The following ZNF782 variants were observed in gnomAD, a reference collection of about 807,000 sequenced individuals.
The protein encoded by ZNF782 is zinc finger protein 782.
A neutral mutation model predicts 13.0 loss-of-function variants in ZNF782; 12 were observed. That is an observed-to-expected ratio of 0.92 (90% confidence interval 0.59 to 1.50). The LOEUF is 1.50. Among genes scored for constraint, ZNF782 ranks in the 40% most tolerant of loss-of-function variants. The pLI, the probability that ZNF782 is intolerant of heterozygous loss-of-function variation, is 0.00. For synonymous variants in ZNF782, 284 were observed against 283.0 expected (o/e 1.00, Z -0.04); for missense variants, 770 against 822.9 (o/e 0.94, Z 0.79).
chr9:96,920,268 C>CTT, the ZNF782 span, among the ~76,000 whole-genome samples: 6 of 132,836 alleles, frequency 4.5e-5, no homozygotes, highest in East Asian at 2.4e-4. Context: ...ACACCAAAAC[C>CTT]TTTTTTTTTT....
rs1850270267 is a variant in ZNF782 at position 96,818,592 on chromosome 9, A to G, written c.1431T>C (p.Pro477=). The change falls in exon 6 of 6, where the codon CCT becomes CCC. Residue 477 remains proline, a synonymous_variant. Coordinates refer to ENST00000481138, the MANE Select transcript of ZNF782 (RefSeq NM_001001662.3). ...ATTTCCCGCATTCATTACATTCAAA[A>G]GGTTTCTCCCCTGTGTGAGTTCTCT... ...VHQRTHTGEK[P]FECNECGKSF... 6.2e-7 allele frequency: 1 copy of G among 1,607,272 alleles called. No homozygotes were observed. The highest frequency in any genetic ancestry group is 1.7e-5 in the Admixed American group (1 of 59,418).
intron 1 of ZNF782, among the ~76,000 whole-genome samples, chr9:96,874,750 C>T (rs1476361969): frequency 6.6e-6 from 1 of 152,126 alleles, no homozygotes; most frequent in African/African-American, 2.4e-5. Context: ...CCCAGTGGCC[C>T]CCTGCTTCCT....
At chr9:96,824,007 C>G (rs2118389736) in intron 5 of ZNF782, among the ~76,000 whole-genome samples, 1 of 152,306 alleles carries the variant, frequency 6.6e-6, no homozygotes, top group African/African-American at 2.4e-5. Context: ...CCTTCTGAAA[C>G]TATTCCAATC....
intron 3 of ZNF782, 105 bp downstream of exon 3, chr9:96,851,842 T>A: frequency 8.3e-7 from 1 of 1,197,690 alleles, no homozygotes. Context: ...ATATTTTCCC[T>A]CAAGATTTAC....
At chr9:96,843,959 A>T (rs770090894) in intron 4 of ZNF782, among the ~76,000 whole-genome samples, 1 of 152,206 alleles carries the variant, frequency 6.6e-6, no homozygotes, top group Non-Finnish European at 1.5e-5. Flanking sequence ...AAAATGAGCT[A>T]AAGATTTGAC....
At chr9:96,931,230 G>A in the ZNF782 span, among the ~76,000 whole-genome samples, 1 of 151,756 alleles carries the variant, frequency 6.6e-6, no homozygotes, top group Non-Finnish European at 1.5e-5. Flanking sequence ...AGGAAAGAAA[G>A]GGGTTTACAA....
At chr9:96,925,640 A>C in the ZNF782 span, among the ~76,000 whole-genome samples, 2 of 151,728 alleles carry the variant, frequency 1.3e-5, no homozygotes, top group Non-Finnish European at 2.9e-5. Flanking sequence ...AAAAAAAAAA[A>C]AAAAAAAAAC....
upstream of ZNF782, among the ~76,000 whole-genome samples, chr9:96,877,986 CT>C (rs1851914805): frequency 6.6e-6 from 1 of 152,146 alleles, no homozygotes; most frequent in African/African-American, 2.4e-5. Flanking sequence ...TATTTGTTCG[CT>C]TTGTAGTAAG....
intron 1 of ZNF782, among the ~76,000 whole-genome samples, chr9:96,869,977 T>G (rs945999754): frequency 1.3e-5 from 2 of 152,236 alleles, no homozygotes; most frequent in Admixed American, 6.5e-5. Context: ...ATACTGCTGT[T>G]AGAAGACTGT....
At chr9:96,839,627 A>G (rs372691071) in intron 4 of ZNF782, among the ~76,000 whole-genome samples, 45 of 152,112 alleles carry the variant, frequency 3.0e-4, no homozygotes, top group Non-Finnish European at 5.1e-4. Flanking sequence ...AGGTATATTA[A>G]AAGTCTCACT....
At chr9:96,875,653 C>T (rs913917535), upstream of ZNF782, 3 of 453,494 alleles carry the variant, frequency 6.6e-6, no homozygotes, top group African/African-American at 6.0e-5. Flanking sequence ...GGGCGCAGCT[C>T]CACCTGCGTC....
chr9:96,877,341 G>A (rs1351188680), upstream of ZNF782, among the ~76,000 whole-genome samples: 1 of 152,192 alleles, frequency 6.6e-6, no homozygotes, highest in Admixed American at 6.5e-5. Context: ...ATGCCGCTGC[G>A]CAGGGACAGG....
upstream of ZNF782, among the ~76,000 whole-genome samples, chr9:96,878,297 G>A (rs917441836): frequency 1.3e-5 from 2 of 152,210 alleles, no homozygotes; most frequent in Non-Finnish European, 2.9e-5. Flanking sequence ...TGATCCGCCT[G>A]TCTTGGCCTC....
chr9:96,931,041 C>T, the ZNF782 span, among the ~76,000 whole-genome samples: 2 of 151,730 alleles, frequency 1.3e-5, no homozygotes, highest in Non-Finnish European at 2.9e-5. Flanking sequence ...ATTACAGGCA[C>T]GCATCATCAG....
At chr9:96,868,086 TAG>T (rs1420135426) in intron 1 of ZNF782, among the ~76,000 whole-genome samples, 15 of 152,358 alleles carry the variant, frequency 9.8e-5, no homozygotes, top group Admixed American at 3.3e-4. Context: ...TGGAAATAAG[TAG>T]AGAGACTCTC....
At chr9:96,912,029 A>G in the ZNF782 span, among the ~76,000 whole-genome samples, 1 of 150,508 alleles carries the variant, frequency 6.6e-6, no homozygotes, top group Admixed American at 6.6e-5. Flanking sequence ...GGGAAACCCT[A>G]TCACTACTAA....
At chr9:96,861,610 C>T (rs116845610) in intron 1 of ZNF782, 2,063 of 153,874 alleles carry the variant, frequency 0.013, 33 homozygotes, top group Non-Finnish European at 0.021. Flanking sequence ...GATCCTGTTT[C>T]AAAAATAAAA....
At chr9:96,886,946 TAA>T in the ZNF782 span, among the ~76,000 whole-genome samples, 1 of 116,618 alleles carries the variant, frequency 8.6e-6, no homozygotes, top group African/African-American at 3.2e-5. Context: ...AAACTATAAA[TAA>T]AACAAAATAG....
chr9:96,865,065 T>A (rs1217455445), intron 1 of ZNF782, among the ~76,000 whole-genome samples: 1 of 151,658 alleles, frequency 6.6e-6, no homozygotes, highest in African/African-American at 2.4e-5. Flanking sequence ...AAAAAAAAAA[T>A]GAGAAAACAC....
Sources: allele counts gnomAD v4.1 joint callset (sites outside exome capture counted in the v4.1 genomes callset), GRCh38; gene constraint gnomAD v4.1.1; transcripts MANE v1.5; gene names NCBI Gene and HGNC (gene_info 2026-07-23, HGNC 2026-07-21).